ARL13B: variants seen among roughly 807,000 people sequenced by gnomAD.
ARL13B encodes the protein ARF like GTPase 13B.
A neutral mutation model predicts 56.1 loss-of-function variants in ARL13B; 36 were observed. That is an observed-to-expected ratio of 0.64 (90% CI 0.49 to 0.85). The LOEUF (loss-of-function observed/expected upper bound fraction) is 0.85, where lower values mean the gene tolerates loss of function less well. Among genes scored for constraint, ARL13B ranks in the 40% least tolerant of loss-of-function variants. ARL13B has a pLI of 0.00. For missense variants in ARL13B, 519 were observed against 507.1 expected (o/e 1.02, Z -0.23); for synonymous variants, 178 against 171.1 (o/e 1.04, Z -0.32).
chr3:93,993,035 G>T (rs540535615), intron 1 of ARL13B, among the ~76,000 whole-genome samples: 1 of 151,192 alleles, frequency 6.6e-6, no homozygotes, highest in Non-Finnish European at 1.5e-5. Context: ...GAACGCCTGA[G>T]CTCGAGTGAT....
intron 3 of ARL13B, among the ~76,000 whole-genome samples, chr3:94,020,202 T>G (rs1023303863): frequency 3.3e-5 from 5 of 152,180 alleles, no homozygotes; most frequent in Admixed American, 2.6e-4. Context: ...TTGATGAGTC[T>G]TATATTTACT....
Position 94,036,415 on chromosome 3 carries a change from A to C in ARL13B, c.487-137A>C. On this transcript the variant is annotated intron_variant, in intron 4 of 9. Coordinates refer to ENST00000394222, the MANE Select transcript of ARL13B (RefSeq NM_001174150.2). ...TAATCATTGCAGTGCTATGTTTTGGAAGTTAAATAAGCAGATGCTTCATAT... is the reference window on the plus strand; with the variant it reads ...TAATCATTGCAGTGCTATGTTTTGGCAGTTAAATAAGCAGATGCTTCATAT... The C allele has an allele frequency of 7.2e-6, 6 of 831,890 alleles. No homozygotes were observed. The Admixed American group carries it at 1.4e-4, about 19-fold the overall frequency. The allele number at this position is 831,890 out of a possible 1,614,324, so 51.5% of individuals were successfully genotyped here.
intron 2 of ARL13B, among the ~76,000 whole-genome samples, chr3:94,001,582 G>A (rs1297057275): frequency 6.6e-6 from 1 of 151,774 alleles, no homozygotes; most frequent in Non-Finnish European, 1.5e-5. Context: ...ATCGTCTCTA[G>A]CTTATTTTTT....
intron 3 of ARL13B, among the ~76,000 whole-genome samples, chr3:94,024,908 A>G (rs1449413451): frequency 6.6e-6 from 1 of 152,186 alleles, no homozygotes; most frequent in African/African-American, 2.4e-5. Context: ...AAAAATTAGA[A>G]ATAAAGTAAT....
At chr3:94,041,120 C>T (rs2076853588) in intron 6 of ARL13B, among the ~76,000 whole-genome samples, 1 of 151,462 alleles carries the variant, frequency 6.6e-6, no homozygotes, top group East Asian at 1.9e-4. Flanking sequence ...CTTTTTTTCC[C>T]CACAAAACTT....
At chr3:94,023,606 G>C (rs6777479) in intron 3 of ARL13B, among the ~76,000 whole-genome samples, 57,184 of 151,752 alleles carry the variant, frequency 0.38, 11,738 homozygotes, top group East Asian at 0.55. Context: ...GAAAAGCAAC[G>C]TCCAAATAAG....
chr3:93,984,595 A>AT (rs1181177085), intron 1 of ARL13B, among the ~76,000 whole-genome samples: 1 of 152,138 alleles, frequency 6.6e-6, no homozygotes, highest in African/African-American at 2.4e-5. Context: ...TTAAAAACAA[A>AT]TTTGTGTGTA....
intron 3 of ARL13B, among the ~76,000 whole-genome samples, chr3:94,029,301 CATAT>C (rs1242349606): frequency 0.017 from 1,334 of 77,002 alleles, 17 homozygotes; most frequent in Middle Eastern, 0.023. Context: ...CTATCAAAAT[CATAT>C]ATATATATAT....
At chr3:94,030,697 A>G (rs1054158869) in intron 3 of ARL13B, among the ~76,000 whole-genome samples, 1 of 152,168 alleles carries the variant, frequency 6.6e-6, no homozygotes, top group East Asian at 1.9e-4. Flanking sequence ...TTGACTCTGC[A>G]TCTCTAGTGG....
At chr3:94,013,051 C>A (rs1184783722) in intron 3 of ARL13B, among the ~76,000 whole-genome samples, 1 of 152,134 alleles carries the variant, frequency 6.6e-6, no homozygotes, top group Non-Finnish European at 1.5e-5. Context: ...TCATATCTCA[C>A]TGCTCTTTTC....
At chr3:94,031,184 C>G (rs887852935) in intron 3 of ARL13B, among the ~76,000 whole-genome samples, 10 of 151,838 alleles carry the variant, frequency 6.6e-5, no homozygotes, top group African/African-American at 2.4e-4. Context: ...AGAGTGAGAC[C>G]CTGTCTCAAA....
At chr3:94,018,631 C>G (rs532107532) in intron 3 of ARL13B, among the ~76,000 whole-genome samples, 7 of 152,228 alleles carry the variant, frequency 4.6e-5, no homozygotes, top group African/African-American at 1.7e-4. Flanking sequence ...TCTTAAAAAA[C>G]TGCCTACCTG....
chr3:94,034,851 A>G lies in ARL13B; in HGVS notation c.381-480A>G, dbSNP rs571735350. Among the ~76,000 whole-genome samples the G allele has an allele frequency of 6.6e-5, 10 of 152,290 alleles. No individual in the cohort carries two copies. In the South Asian group the frequency reaches 2.1e-3, roughly 32 times the overall value. On this transcript the variant is annotated intron_variant, in intron 3 of 9. Transcript: ENST00000394222. ...GCCAGTACTTAAAAACTATTTTAGC[A>G]ATAATAAGGGAAAAATGACAAAATT...
At chr3:94,017,125 C>T (rs2076350226) in intron 3 of ARL13B, among the ~76,000 whole-genome samples, 1 of 152,070 alleles carries the variant, frequency 6.6e-6, no homozygotes, top group South Asian at 2.1e-4. Context: ...TTAGGAATTA[C>T]CAGACTAGCA....
At position 94,053,780 on chromosome 3, in the gene ARL13B, T is replaced by C; in HGVS notation, c.*517T>C. ...ATTATACACCTTTTTTATAGATGAT[T>C]TGTTTAAATTATATCTGGAAAATAG... On this transcript the variant is annotated 3_prime_UTR_variant, in exon 10 of 10. Coordinates refer to ENST00000394222, the MANE Select transcript of ARL13B (RefSeq NM_001174150.2). 3.4e-6 allele frequency: 1 copy of C among 294,722 alleles called. No homozygotes were observed. Among genetic ancestry groups the C allele is most frequent in the Non-Finnish European group, 6.6e-6 (1 of 152,236 alleles). The allele number at this position is 294,722 out of a possible 1,614,324, so 18.3% of individuals were successfully genotyped here.
At chr3:94,006,328 C>CT (rs1005996221) in intron 3 of ARL13B, among the ~76,000 whole-genome samples, 46 of 152,022 alleles carry the variant, frequency 3.0e-4, no homozygotes, top group African/African-American at 1.1e-3. Context: ...GTATCCTACT[C>CT]TTTTTTTTGA....
rs1471618534 is a variant in ARL13B, at chr3:94,053,373, A to G, written c.*110A>G. On this transcript the variant is annotated 3_prime_UTR_variant, in exon 10 of 10. Transcript: ENST00000394222. ...TTGATGACTGGGGCAAGATAACCAT[A>G]ATAATTTTAGTGAGAAGATTAATAC... The G allele has an allele frequency of 9.2e-6, 9 of 976,742 alleles. No homozygotes were observed. Among genetic ancestry groups the G allele is most frequent in the East Asian group, 2.4e-5 (1 of 40,960 alleles). The allele number at this position is 976,742 out of a possible 1,614,324, so 60.5% of individuals were successfully genotyped here. A position where few individuals can be genotyped will look rare whatever the true frequency, so the allele number is the denominator to read the frequency against.
chr3:93,985,863 T>G (rs2107328645), intron 1 of ARL13B, among the ~76,000 whole-genome samples: 1 of 152,334 alleles, frequency 6.6e-6, no homozygotes, highest in East Asian at 1.9e-4. Context: ...GTAAATTGTT[T>G]GCTGTGGCCA....
At chr3:94,013,432 C>G (rs1049130990) in intron 3 of ARL13B, among the ~76,000 whole-genome samples, 9 of 152,156 alleles carry the variant, frequency 5.9e-5, no homozygotes, top group African/African-American at 1.9e-4. Context: ...AAAGTCATGG[C>G]AAAATATTCA....
Sources: allele counts gnomAD v4.1 joint callset (sites outside exome capture counted in the v4.1 genomes callset), GRCh38; gene constraint gnomAD v4.1.1; transcripts MANE v1.5; gene names NCBI Gene and HGNC (gene_info 2026-07-23, HGNC 2026-07-21).